MAOA: variants seen among roughly 807,000 people sequenced by gnomAD.
The protein encoded by MAOA is amine oxidase [flavin-containing] A.
In MAOA, 6 loss-of-function variants were observed where a neutral mutation model predicts 42.0. The ratio of observed to expected loss-of-function variants is 0.14; its 90% confidence interval spans 0.08 to 0.28. The LOEUF (loss-of-function observed/expected upper bound fraction) is 0.28. Ranked by LOEUF, MAOA falls within the 10% of genes least tolerant of loss-of-function variation. The pLI, the probability that MAOA is intolerant of heterozygous loss-of-function variation, is 1.00. For missense variants in MAOA, 262 were observed against 422.3 expected (o/e 0.62, Z 3.33); for synonymous variants, 140 against 154.0 (o/e 0.91, Z 0.67).
At chrX:43,716,374 G>GCTACAAA (rs2033744399) in intron 5 of MAOA, among the ~76,000 whole-genome samples, 1 of 111,603 alleles carries the variant, frequency 9.0e-6, no homozygotes, top group Admixed American at 9.5e-5. Context: ...GGAAGGAGGG[G>GCTACAAA]AATGATGGAT....
chrX:43,656,315 A>G lies in MAOA; in HGVS notation c.-27A>G, dbSNP rs746063415. Reference sequence around the variant, plus strand: ...CTTTGCCGTCCCCACTCCTGTGCCTACGACCCAGGAGCGTGTCAGCCAAAG... The same window carrying G: ...CTTTGCCGTCCCCACTCCTGTGCCTGCGACCCAGGAGCGTGTCAGCCAAAG... On this transcript the variant is annotated 5_prime_UTR_variant, in exon 1 of 15. Coordinates refer to ENST00000338702, the MANE Select transcript of MAOA (RefSeq NM_000240.4). The G allele has an allele frequency of 4.2e-6, 5 of 1,192,946 alleles. No individual in the cohort carries two copies. In the East Asian group the frequency reaches 8.9e-5, roughly 21 times the overall value.
chrX:43,693,459 T>C lies in MAOA; in HGVS notation c.306+31T>C, dbSNP rs1249270626. ...GCTGACTTTTCACCCAAGTGACTGATAGGGAAGCATTTTATTTGAGAAAAC... is the reference window on the plus strand; with the variant it reads ...GCTGACTTTTCACCCAAGTGACTGACAGGGAAGCATTTTATTTGAGAAAAC... On this transcript the variant is annotated intron_variant, in intron 3 of 14. Transcript: ENST00000338702. 6.7e-6 allele frequency: 8 copies of C among 1,195,651 alleles called. No homozygotes were observed. In the African/African-American group the frequency reaches 6.9e-5, roughly 10 times the overall value.
At chrX:43,725,581 G>A (rs183774103) in intron 5 of MAOA, among the ~76,000 whole-genome samples, 1 of 110,726 alleles carries the variant, frequency 9.0e-6, no homozygotes, top group Admixed American at 9.6e-5. Flanking sequence ...ATGTGAGATG[G>A]GTCTTCCAAA....
chrX:43,697,162 A>G (rs1038191130), intron 3 of MAOA, among the ~76,000 whole-genome samples: 1 of 112,397 alleles, frequency 8.9e-6, no homozygotes, highest in Middle Eastern at 4.2e-3. Flanking sequence ...CCTGCCTAAG[A>G]GAGTAAGGGA....
intron 3 of MAOA, among the ~76,000 whole-genome samples, chrX:43,695,390 G>T (rs1326962667): frequency 4.5e-5 from 5 of 111,643 alleles, no homozygotes; most frequent in Non-Finnish European, 9.4e-5. Context: ...TTACAAGTAT[G>T]TCCTCAAGCT....
chrX:43,744,203 C>A (rs1166601827), intron 14 of MAOA, 32 bp downstream of exon 14: 2 of 1,167,328 alleles, frequency 1.7e-6, no homozygotes, highest in Non-Finnish European at 2.3e-6. Context: ...ACTATCTCTC[C>A]TTAGACCAAT....
chrX:43,691,158 G>A (rs2033529455), intron 2 of MAOA, among the ~76,000 whole-genome samples: 1 of 111,125 alleles, frequency 9.0e-6, no homozygotes, highest in South Asian at 3.8e-4. Context: ...TAAGGCAGGT[G>A]TATCGCTTGA....
intron 4 of MAOA, 104 bp from the exon 5 acceptor site, chrX:43,712,601 A>G (rs757940752): frequency 5.1e-5 from 28 of 546,006 alleles, no homozygotes; most frequent in Non-Finnish European, 8.8e-5. Context: ...ACACATTTCA[A>G]CACAGAGACC....
intron 1 of MAOA, among the ~76,000 whole-genome samples, chrX:43,681,466 T>C (rs1452640188): frequency 9.0e-6 from 1 of 111,352 alleles, no homozygotes; most frequent in Non-Finnish European, 1.9e-5. Context: ...ATACTACAAA[T>C]GTAACAGCCT....
chrX:43,672,461 C>T (rs2033346042), intron 1 of MAOA, among the ~76,000 whole-genome samples: 1 of 111,054 alleles, frequency 9.0e-6, no homozygotes, highest in Non-Finnish European at 1.9e-5. Flanking sequence ...ATTGCCCTGG[C>T]CAGAAATTCC....
At chrX:43,655,067 G>A, upstream of MAOA, 1 of 112,652 alleles carries the variant, frequency 8.9e-6, no homozygotes, top group Non-Finnish European at 1.9e-5. Context: ...CCAGAAACAT[G>A]AGCACAAACG....
intron 1 of MAOA, among the ~76,000 whole-genome samples, chrX:43,663,338 A>G (rs920160131): frequency 4.5e-5 from 5 of 111,831 alleles, no homozygotes; most frequent in Non-Finnish European, 9.4e-5. Flanking sequence ...GCAAAAGTAA[A>G]CAAAGCACAC....
At chrX:43,730,272 A>G (rs911481712) in intron 6 of MAOA, among the ~76,000 whole-genome samples, 6 of 109,604 alleles carry the variant, frequency 5.5e-5, no homozygotes, top group African/African-American at 2.0e-4. Context: ...CATTGTGTTA[A>G]GGACTTACCT....
chrX:43,707,700 A>G (rs1369127401), intron 3 of MAOA, among the ~76,000 whole-genome samples: 1 of 112,387 alleles, frequency 8.9e-6, no homozygotes, highest in Admixed American at 9.5e-5. Context: ...CAAAAGATTC[A>G]TCTTACAGGC....
In MAOA at chrX:43,740,664, TTGGCTC is replaced by T; in HGVS notation, c.1107-14_1107-9del. 1 of 1,175,447 alleles carries T rather than the reference TTGGCTC, an allele frequency of 8.5e-7. No homozygotes were observed. Among genetic ancestry groups the T allele is most frequent in the Non-Finnish European group, 1.1e-6 (1 of 877,472 alleles). ...TCCCTAACTTTATTTTTTTTTTTTT[TTGGCTC>T]TGTTTTATAGGAAGAAGAAAATCTG... is the stretch of plus-strand genomic sequence containing the variant. On this transcript the variant is annotated splice_polypyrimidine_tract_variant and intron_variant, in intron 10 of 14. Coordinates refer to ENST00000338702, the MANE Select transcript of MAOA (RefSeq NM_000240.4).
At chrX:43,698,473 G>A (rs992869375) in intron 3 of MAOA, among the ~76,000 whole-genome samples, 9 of 111,441 alleles carry the variant, frequency 8.1e-5, no homozygotes, top group African/African-American at 1.6e-4. Flanking sequence ...GATTCACATC[G>A]ATATGCTAAA....
In MAOA at chrX:43,702,139, G is replaced by A. The variant is rs775557613; in HGVS notation, c.306+8711G>A. ...TTCAGTTGTCTCATGATCACATGTT[G>A]AGCCAGCTAGAAAACCTTTTCTGTC... is the stretch of plus-strand genomic sequence containing the variant. On this transcript the variant is annotated intron_variant, in intron 3 of 14. Coordinates refer to ENST00000338702, the MANE Select transcript of MAOA (RefSeq NM_000240.4). Among the ~76,000 whole-genome samples the A allele has an allele frequency of 9.3e-4, 104 of 112,109 alleles. 1 individual carries two copies. The South Asian group carries it at 0.01, about 11-fold the overall frequency.
chrX:43,700,952 C>T (rs1258020295), intron 3 of MAOA, among the ~76,000 whole-genome samples: 1 of 111,706 alleles, frequency 9.0e-6, no homozygotes, highest in Admixed American at 9.5e-5. Context: ...AGTTACAGGC[C>T]TGTGCTCATG....
In MAOA at chrX:43,712,811, C is replaced by T. The variant is rs1269172764; in HGVS notation, c.503+15C>T. ...TGCTGGACAAAGTAAGTAGACTTGACCATTCAAAATTTACTTTTTATCTTC... is the reference window on the plus strand; with the variant it reads ...TGCTGGACAAAGTAAGTAGACTTGATCATTCAAAATTTACTTTTTATCTTC... On this transcript the variant is annotated intron_variant, in intron 5 of 14. Transcript: ENST00000338702. The T allele has an allele frequency of 3.5e-6, 4 of 1,134,218 alleles. No homozygotes were observed. Among genetic ancestry groups the T allele is most frequent in the Middle Eastern group, 4.8e-4 (2 of 4,162 alleles). The allele number at this position is 1,134,218 out of a possible 1,213,427, so 93.5% of individuals were successfully genotyped here.
Sources: allele counts gnomAD v4.1 joint callset (sites outside exome capture counted in the v4.1 genomes callset), GRCh38; gene constraint gnomAD v4.1.1; transcripts MANE v1.5; gene names NCBI Gene and HGNC (gene_info 2026-07-23, HGNC 2026-07-21).